The following RUNX1 variants were observed in gnomAD, a reference collection of about 807,000 sequenced individuals.
The protein encoded by RUNX1 is RUNX family transcription factor 1.
A neutral mutation model predicts 42.8 loss-of-function variants in RUNX1; 19 were observed. That is an observed-to-expected ratio of 0.44 (90% CI 0.31 to 0.65). The LOEUF is 0.65. Among genes scored for constraint, RUNX1 ranks in the 30% least tolerant of loss-of-function variants. The probability of loss-of-function intolerance (pLI) is 0.07; values close to 1 mark genes in which losing one functional copy is unlikely to be tolerated. For missense variants in RUNX1, 528 were observed against 672.0 expected (o/e 0.79, Z 2.37); for synonymous variants, 271 against 289.4 (o/e 0.94, Z 0.64).
intron 2 of RUNX1, among the ~76,000 whole-genome samples, chr21:34,982,144 A>G (rs1247273350): frequency 1.3e-5 from 2 of 152,100 alleles, no homozygotes; most frequent in African/African-American, 4.8e-5. Flanking sequence ...CCTTTATCAC[A>G]TGGATATTAG....
intron 2 of RUNX1, among the ~76,000 whole-genome samples, chr21:34,954,477 G>C (rs1278338193): frequency 6.6e-6 from 1 of 152,146 alleles, no homozygotes; most frequent in Admixed American, 6.5e-5. Flanking sequence ...AACGATGCTA[G>C]GGAACTTCAG....
chr21:34,908,195 C>G (rs551328006), intron 2 of RUNX1, among the ~76,000 whole-genome samples: 1 of 152,094 alleles, frequency 6.6e-6, no homozygotes, highest in Admixed American at 6.5e-5. Context: ...AAAAGTCATT[C>G]GAACAGAGTA....
intron 2 of RUNX1, among the ~76,000 whole-genome samples, chr21:34,934,148 T>C (rs924924074): frequency 6.6e-6 from 1 of 152,094 alleles, no homozygotes; most frequent in African/African-American, 2.4e-5. Context: ...TAGCTAAGTT[T>C]CTCATGAGCT....
chr21:34,991,707 C>A (rs560242302), intron 2 of RUNX1, among the ~76,000 whole-genome samples: 3 of 152,194 alleles, frequency 2.0e-5, no homozygotes, highest in African/African-American at 7.2e-5. Flanking sequence ...ATGGTCTGAA[C>A]TGGGTTGTGT....
intron 5 of RUNX1, among the ~76,000 whole-genome samples, chr21:34,879,578 C>T (rs925342560): frequency 5.3e-5 from 8 of 151,746 alleles, no homozygotes; most frequent in East Asian, 1.9e-4. Context: ...TTTTTCAATA[C>T]GAGAACTATT....
intron 2 of RUNX1, among the ~76,000 whole-genome samples, chr21:35,032,991 C>T (rs1039915680): frequency 1.3e-5 from 2 of 152,262 alleles, no homozygotes; most frequent in Non-Finnish European, 2.9e-5. Context: ...TCTATCCATC[C>T]ATCCCTCTAT....
chr21:34,857,421 T>G (rs1252008115), intron 6 of RUNX1, among the ~76,000 whole-genome samples: 3 of 152,212 alleles, frequency 2.0e-5, no homozygotes, highest in Admixed American at 2.0e-4. Flanking sequence ...GCTCAATAAC[T>G]TTGTTATTTC....
intron 2 of RUNX1, among the ~76,000 whole-genome samples, chr21:35,011,305 A>T (rs9984871): frequency 0.33 from 50,866 of 151,988 alleles, 8,930 homozygotes; most frequent in Non-Finnish European, 0.39. Context: ...CCCATGACAC[A>T]CATGACAATT....
intron 2 of RUNX1, among the ~76,000 whole-genome samples, chr21:35,008,938 C>T (rs1027600131): frequency 1.3e-5 from 2 of 152,192 alleles, no homozygotes; most frequent in African/African-American, 4.8e-5. Flanking sequence ...AAAAGAAAAA[C>T]AGCAACAACA....
chr21:34,866,989 C>T lies in RUNX1; in HGVS notation c.509-7411G>A, dbSNP rs998227838. 2.6e-5 allele frequency among the ~76,000 whole-genome samples: 4 copies of T among 152,156 alleles called. No homozygotes were observed. The South Asian group carries it at 6.2e-4, about 24-fold the overall frequency. On this transcript the variant is annotated intron_variant, in intron 5 of 8. Coordinates refer to ENST00000675419, the MANE Select transcript of RUNX1 (RefSeq NM_001754.5). ...AATAGCTGTTTTACTTGGAGAAAAC[C>T]GAAGACATGCAAAGCATTTTCTCTG... is the stretch of plus-strand genomic sequence containing the variant.
intron 2 of RUNX1, chr21:35,038,466 T>C (rs750158435): frequency 8.8e-6 from 4 of 454,462 alleles, no homozygotes; most frequent in Admixed American, 2.4e-5. Flanking sequence ...AGCAGAGACA[T>C]GACAGCAGCA....
chr21:34,920,600 T>C (rs377092344), intron 2 of RUNX1, among the ~76,000 whole-genome samples: 1 of 152,218 alleles, frequency 6.6e-6, no homozygotes, highest in Non-Finnish European at 1.5e-5. Context: ...ACTTTTAGAT[T>C]GTTAAGGAAC....
At chr21:35,001,444 A>G (rs2059042948) in intron 2 of RUNX1, among the ~76,000 whole-genome samples, 1 of 151,918 alleles carries the variant, frequency 6.6e-6, no homozygotes, top group African/African-American at 2.4e-5. Context: ...TTTTCCCAAA[A>G]CTTTTTAATT....
intron 2 of RUNX1, among the ~76,000 whole-genome samples, chr21:34,918,127 C>CAA (rs71324335): frequency 0.025 from 1,780 of 70,400 alleles, 87 homozygotes; most frequent in African/African-American, 0.08. Context: ...GACTCTGTCT[C>CAA]AAAAAAAAAA....
intron 2 of RUNX1, among the ~76,000 whole-genome samples, chr21:34,992,129 G>A (rs890692055): frequency 3.9e-5 from 6 of 152,238 alleles, no homozygotes; most frequent in East Asian, 1.9e-4. Flanking sequence ...GGAAAGTAAC[G>A]CACCCCCTCT....
chr21:35,001,308 T>TTATATA (rs3059374), intron 2 of RUNX1, among the ~76,000 whole-genome samples: 43 of 142,458 alleles, frequency 3.0e-4, no homozygotes, highest in South Asian at 2.0e-3. Context: ...AGTTATGGTT[T>TTATATA]TATATATATA....
intron 2 of RUNX1, among the ~76,000 whole-genome samples, chr21:35,046,089 T>A (rs553445502): frequency 6.6e-6 from 1 of 152,356 alleles, no homozygotes; most frequent in South Asian, 2.1e-4. Context: ...CAAGTTTGGG[T>A]TCGGCAAGAA....
At chr21:34,930,289 T>TATATAAATAA (rs1555906453) in intron 2 of RUNX1, among the ~76,000 whole-genome samples, 11 of 137,332 alleles carry the variant, frequency 8.0e-5, no homozygotes, top group African/African-American at 3.4e-4. Flanking sequence ...TATATATATA[T>TATATAAATAA]ATAAATAAAT....
intron 5 of RUNX1, among the ~76,000 whole-genome samples, chr21:34,876,888 C>T (rs990140624): frequency 2.0e-4 from 30 of 152,128 alleles, no homozygotes; most frequent in Non-Finnish European, 3.2e-4. Context: ...TGGAGTTTTG[C>T]TCTTGTTGCC....
Sources: allele counts gnomAD v4.1 joint callset (sites outside exome capture counted in the v4.1 genomes callset), GRCh38; gene constraint gnomAD v4.1.1; transcripts MANE v1.5; gene names NCBI Gene and HGNC (gene_info 2026-07-23, HGNC 2026-07-21).